The following PRKN variants were observed in gnomAD, a reference collection of about 807,000 sequenced individuals.
PRKN encodes the protein E3 ubiquitin-protein ligase parkin.
Under a neutral mutation model 59.5 loss-of-function variants are expected in PRKN, and 56 were observed. That is an observed-to-expected ratio of 0.94 (90% CI 0.76 to 1.18). The LOEUF is 1.18. Ranked by LOEUF, PRKN falls within the 50% of genes most tolerant of loss-of-function variation. The pLI is 0.00. For synonymous variants in PRKN, 250 were observed against 222.1 expected (o/e 1.13, Z -1.12); for missense variants, 657 against 596.4 (o/e 1.10, Z -1.06).
At chr6:162,510,810 C>A (rs1777572975) in intron 1 of PRKN, among the ~76,000 whole-genome samples, 1 of 152,040 alleles carries the variant, frequency 6.6e-6, no homozygotes, top group Non-Finnish European at 1.5e-5. Context: ...GTAATTCCAG[C>A]TACTCGGGAG....
chr6:162,153,970 AAG>A (rs1782388715), intron 4 of PRKN, among the ~76,000 whole-genome samples: 1 of 152,182 alleles, frequency 6.6e-6, no homozygotes, highest in South Asian at 2.1e-4. Flanking sequence ...GAGAGCGGGT[AAG>A]CAGGGGTAGA....
Position 161,356,085 on chromosome 6 carries a change from C to G in PRKN, c.1285+4003G>C, listed in dbSNP as rs569567488. 1.8e-4 allele frequency among the ~76,000 whole-genome samples: 27 copies of G among 152,270 alleles called. No homozygotes were observed. The highest frequency in any genetic ancestry group is 1.5e-3 in the Admixed American group (23 of 15,296). On this transcript the variant is annotated intron_variant, in intron 11 of 11. Transcript: ENST00000366898. The surrounding 1 kb of genome is among the most constrained non-coding windows in gnomAD (Gnocchi z 7.8). ...TAGTGGGTTGGGTATTATGACCAAC[C>G]AGTAGTCATGGGACATGAGCTCTCC...
intron 2 of PRKN, among the ~76,000 whole-genome samples, chr6:162,436,501 G>A (rs1290952351): frequency 2.6e-5 from 4 of 151,568 alleles, no homozygotes; most frequent in East Asian, 4.0e-4. Flanking sequence ...TAGTAGAGAC[G>A]GGGTTTCACC....
chr6:162,560,852 G>GGAAAAAAAAAA (rs1554244660), intron 1 of PRKN, among the ~76,000 whole-genome samples: 1 of 2,898 alleles, frequency 3.5e-4, no homozygotes. Context: ...AGAGAGAGAG[G>GGAAAAAAAAAA]CAAAAAAAAA....
At chr6:162,255,063 A>G (rs747730011) in intron 3 of PRKN, among the ~76,000 whole-genome samples, 1 of 150,706 alleles carries the variant, frequency 6.6e-6, no homozygotes, top group Non-Finnish European at 1.5e-5. Flanking sequence ...TTAAGTAAAC[A>G]AAGAGATTCA....
chr6:161,651,081 T>TAAG (rs991397998), intron 7 of PRKN, among the ~76,000 whole-genome samples: 1 of 152,238 alleles, frequency 6.6e-6, no homozygotes, highest in Non-Finnish European at 1.5e-5. Flanking sequence ...AGCAATGGAT[T>TAAG]AAGACTGCCT....
chr6:162,469,079 T>C (rs1397958369), intron 1 of PRKN, among the ~76,000 whole-genome samples: 1 of 151,998 alleles, frequency 6.6e-6, no homozygotes, highest in Admixed American at 6.6e-5. Flanking sequence ...CCTTAGGGAT[T>C]TTAATTTACA....
intron 7 of PRKN, among the ~76,000 whole-genome samples, chr6:161,785,212 T>A (rs559807115): frequency 6.6e-6 from 1 of 152,306 alleles, no homozygotes; most frequent in East Asian, 1.9e-4. Context: ...TGCCACTGAA[T>A]TGTACACTTG....
chr6:162,079,170 A>G (rs1778956450), intron 4 of PRKN, among the ~76,000 whole-genome samples: 1 of 152,152 alleles, frequency 6.6e-6, no homozygotes, highest in Non-Finnish European at 1.5e-5. Context: ...GCATCATTCT[A>G]TGAGAACAAG....
intron 2 of PRKN, among the ~76,000 whole-genome samples, chr6:162,293,230 C>T (rs919713978): frequency 2.0e-5 from 3 of 152,130 alleles, no homozygotes; most frequent in Non-Finnish European, 2.9e-5. Context: ...TCAGGCAGAA[C>T]AGTGGTGAGG....
chr6:162,568,458 G>C, intron 1 of PRKN: 1 of 630,922 alleles, frequency 1.6e-6, no homozygotes. Flanking sequence ...TGGCCTGGGT[G>C]GAGGCTCTGG....
intron 6 of PRKN, among the ~76,000 whole-genome samples, chr6:161,962,700 C>A (rs959352057): frequency 3.3e-5 from 5 of 152,012 alleles, no homozygotes; most frequent in African/African-American, 1.2e-4. Context: ...CCATGCCTGG[C>A]TAATTTTTGT....
rs1780445397 is a variant in PRKN at position 161,561,259 on chromosome 6, G to A, written c.933+8096C>T. ...ATAGTTATGATAATTAGTAGAATTA[G>A]GATAACAGTGAAGTAGTTATAGAAG... On this transcript the variant is annotated intron_variant, in intron 8 of 11. Coordinates refer to ENST00000366898, the MANE Select transcript of PRKN (RefSeq NM_004562.3). This position sits in a 1 kb window ranked among gnomAD's most constrained non-coding sequence, Gnocchi z 5.0. Among the ~76,000 whole-genome samples the A allele has an allele frequency of 6.6e-6, 1 of 152,198 alleles. No homozygotes were observed. The highest frequency in any genetic ancestry group is 2.4e-5 in the African/African-American group (1 of 41,448).
Position 161,757,704 on chromosome 6 carries a change from G to A in PRKN, c.871+28068C>T, listed in dbSNP as rs189863165. Among the ~76,000 whole-genome samples, 395 of 151,898 alleles carry A rather than the reference G, an allele frequency of 2.6e-3. 1 individual carries two copies. Among genetic ancestry groups the A allele is most frequent in the South Asian group, 6.9e-3 (33 of 4,800 alleles). On this transcript the variant is annotated intron_variant, in intron 7 of 11. Transcript: ENST00000366898. ...AATACAAAAATTAGCTGGGCATGGTGGCGTGTGCCTGTAATCCCAGCTACT... is the reference window on the plus strand; with the variant it reads ...AATACAAAAATTAGCTGGGCATGGTAGCGTGTGCCTGTAATCCCAGCTACT...
At chr6:161,536,683 G>C (rs1779426653) in intron 9 of PRKN, among the ~76,000 whole-genome samples, 1 of 152,110 alleles carries the variant, frequency 6.6e-6, no homozygotes, top group East Asian at 1.9e-4. Flanking sequence ...GAGGTAGTTT[G>C]TGTCCCTGCA....
intron 2 of PRKN, among the ~76,000 whole-genome samples, chr6:162,382,701 T>C (rs1417889777): frequency 2.0e-5 from 3 of 152,224 alleles, no homozygotes; most frequent in East Asian, 3.9e-4. Flanking sequence ...CAGTGAAGTT[T>C]GCTGCACTGA....
At chr6:161,432,097 A>G (rs377304417) in intron 9 of PRKN, among the ~76,000 whole-genome samples, 1 of 152,334 alleles carries the variant, frequency 6.6e-6, no homozygotes. Flanking sequence ...ACTCCAGGCT[A>G]TCCTTGCTTC....
chr6:161,876,509 C>T (rs1269668347), intron 6 of PRKN, among the ~76,000 whole-genome samples: 1 of 152,060 alleles, frequency 6.6e-6, no homozygotes, highest in Non-Finnish European at 1.5e-5. Context: ...GACAAAGCCT[C>T]ACTATGTTGC....
intron 4 of PRKN, among the ~76,000 whole-genome samples, chr6:162,157,431 T>C (rs1222428940): frequency 6.6e-6 from 1 of 151,910 alleles, no homozygotes; most frequent in Non-Finnish European, 1.5e-5. Flanking sequence ...GCCTCATTTG[T>C]AGCAAGCACA....
Sources: allele counts gnomAD v4.1 joint callset (sites outside exome capture counted in the v4.1 genomes callset), GRCh38; gene constraint gnomAD v4.1.1; non-coding constraint Gnocchi (gnomAD v3.1); transcripts MANE v1.5; gene names NCBI Gene and HGNC (gene_info 2026-07-23, HGNC 2026-07-21).